The following VAT1L variants were observed in gnomAD, a reference collection of about 807,000 sequenced individuals.
VAT1L encodes the protein vesicle amine transport 1 like, also known as putative NADPH-dependent quinone oxidoreductase VAT1L.
A neutral mutation model predicts 44.1 loss-of-function variants in VAT1L; 34 were observed. That is an observed-to-expected ratio of 0.77 (90% confidence interval 0.59 to 1.03). VAT1L has a LOEUF of 1.03. Among genes scored for constraint, VAT1L ranks in the 50% least tolerant of loss-of-function variants. The pLI is 0.00. For synonymous variants in VAT1L, 253 were observed against 202.2 expected (o/e 1.25, Z -2.13); for missense variants, 615 against 538.8 (o/e 1.14, Z -1.40).
At chr16:77,975,220 T>G (rs1597129957) in intron 8 of VAT1L, among the ~76,000 whole-genome samples, 1 of 128,746 alleles carries the variant, frequency 7.8e-6, no homozygotes, top group African/African-American at 2.8e-5. Flanking sequence ...TTTTTTTTTT[T>G]TTTTTTTTAA....
At chr16:77,940,347 T>TG (rs1567515624) in intron 7 of VAT1L, among the ~76,000 whole-genome samples, 2 of 145,992 alleles carry the variant, frequency 1.4e-5, no homozygotes, top group South Asian at 2.2e-4. Flanking sequence ...TTGGTTTTTT[T>TG]TTTTTTTTTT....
chr16:77,873,096 T>G (rs2017048945), intron 4 of VAT1L, among the ~76,000 whole-genome samples: 1 of 152,230 alleles, frequency 6.6e-6, no homozygotes, highest in Admixed American at 6.5e-5. Flanking sequence ...GAGACTAAAT[T>G]AAATTGGCTG....
chr16:77,837,583 G>C (rs2016653282), intron 3 of VAT1L, among the ~76,000 whole-genome samples: 1 of 152,136 alleles, frequency 6.6e-6, no homozygotes. Flanking sequence ...AAAGAATCAA[G>C]GGAAAGAAGA....
intron 4 of VAT1L, among the ~76,000 whole-genome samples, chr16:77,865,706 C>A (rs1387399912): frequency 6.6e-6 from 1 of 152,152 alleles, no homozygotes; most frequent in East Asian, 1.9e-4. Context: ...AAAGGAAGAG[C>A]ATTTCTGACT....
At chr16:77,906,648 G>C (rs575177359) in intron 7 of VAT1L, among the ~76,000 whole-genome samples, 1 of 152,184 alleles carries the variant, frequency 6.6e-6, no homozygotes, top group Admixed American at 6.5e-5. Context: ...CTACGGAAAT[G>C]CAACTCAAAA....
chr16:77,856,229 CA>C (rs2016857684), intron 3 of VAT1L, among the ~76,000 whole-genome samples: 1 of 152,012 alleles, frequency 6.6e-6, no homozygotes, highest in South Asian at 2.1e-4. Flanking sequence ...TCCTTGTGGT[CA>C]AGGTAGAGTT....
intron 7 of VAT1L, among the ~76,000 whole-genome samples, chr16:77,964,581 A>G (rs954903858): frequency 2.0e-5 from 3 of 152,044 alleles, no homozygotes; most frequent in African/African-American, 4.8e-5. Context: ...TTTTTAGCTT[A>G]ATCACTTCTA....
At chr16:77,790,874 A>G (rs564524158) in intron 1 of VAT1L, among the ~76,000 whole-genome samples, 2 of 152,320 alleles carry the variant, frequency 1.3e-5, no homozygotes, top group South Asian at 4.1e-4. Flanking sequence ...GAAATAATAA[A>G]TGTCAAGATG....
At chr16:77,968,355 G>A (rs437557) in intron 7 of VAT1L, among the ~76,000 whole-genome samples, 35,059 of 152,118 alleles carry the variant, frequency 0.23, 4,526 homozygotes, top group South Asian at 0.31. Context: ...TAGCTATGCC[G>A]TAGACAGAGT....
At position 77,826,194 on chromosome 16, in the gene VAT1L, G is replaced by C. The variant is rs546863158; in HGVS notation, c.579+733G>C. Among the ~76,000 whole-genome samples, 510 of 130,084 alleles carry C rather than the reference G, an allele frequency of 3.9e-3. 5 individuals carry two copies. The highest frequency in any genetic ancestry group is 0.014 in the African/African-American group (484 of 34,812). The allele number at this position is 130,084 out of a possible 152,430, so 85.3% of individuals were successfully genotyped here. Reference sequence around the variant, plus strand: ...TGCACTCCAGCCTGGGCGACAGAGCGAGACTCCGTCTCAAAAAAAAAAAAA... The same window carrying C: ...TGCACTCCAGCCTGGGCGACAGAGCCAGACTCCGTCTCAAAAAAAAAAAAA... On this transcript the variant is annotated intron_variant, in intron 3 of 8. Transcript: ENST00000302536.
intron 3 of VAT1L, among the ~76,000 whole-genome samples, chr16:77,858,714 A>G (rs1168316530): frequency 6.6e-6 from 1 of 152,142 alleles, no homozygotes; most frequent in African/African-American, 2.4e-5. Context: ...TCAGTAAAAT[A>G]AGGTGACGCT....
At chr16:77,892,997 C>T (rs1001913699) in intron 7 of VAT1L, 2 of 652,574 alleles carry the variant, frequency 3.1e-6, no homozygotes, top group Admixed American at 2.2e-5. Context: ...CATTTGCTCG[C>T]AGTATCCTAT....
chr16:77,927,001 CAACAT>C (rs895987987), intron 7 of VAT1L, among the ~76,000 whole-genome samples: 11 of 152,142 alleles, frequency 7.2e-5, no homozygotes, highest in African/African-American at 2.4e-4. Context: ...ATGTAGAAGA[CAACAT>C]AACAGTCATA....
rs185588809 is a variant in VAT1L at position 77,823,217 on chromosome 16, C to A, written c.364-2029C>A. The stretch of plus-strand genomic sequence containing the variant: ...TCTGACATCCCTTGACCCCACCCAC[C>A]ATTCCCACACCCAAAAAATGAACTC... On this transcript the variant is annotated intron_variant, in intron 2 of 8. Transcript: ENST00000302536. Among the ~76,000 whole-genome samples, 27 of 152,058 alleles carry A rather than the reference C, an allele frequency of 1.8e-4. 1 individual carries two copies. The highest frequency in any genetic ancestry group is 1.7e-3 in the Admixed American group (26 of 15,258).
chr16:77,970,411 T>G (rs1426917775), intron 7 of VAT1L, among the ~76,000 whole-genome samples: 1 of 152,246 alleles, frequency 6.6e-6, no homozygotes, highest in African/African-American at 2.4e-5. Context: ...CTAGTTATTT[T>G]AGTATATGTG....
At chr16:77,815,797 A>G (rs1020350186) in intron 1 of VAT1L, among the ~76,000 whole-genome samples, 2 of 151,012 alleles carry the variant, frequency 1.3e-5, no homozygotes, top group African/African-American at 4.9e-5. Context: ...GCGAAACCCC[A>G]TGTCTACTAA....
intron 1 of VAT1L, among the ~76,000 whole-genome samples, chr16:77,807,427 C>T (rs1030824632): frequency 8.5e-5 from 13 of 152,126 alleles, no homozygotes; most frequent in African/African-American, 1.4e-4. Context: ...AGGCCCAGTC[C>T]CCATGTCTTT....
chr16:77,877,991 T>G (rs1183326072), intron 5 of VAT1L, among the ~76,000 whole-genome samples: 1 of 152,240 alleles, frequency 6.6e-6, no homozygotes, highest in African/African-American at 2.4e-5. Context: ...ATGGACGATG[T>G]AGTCATCCTT....
At chr16:77,840,331 G>A (rs1125270) in intron 3 of VAT1L, among the ~76,000 whole-genome samples, 81,240 of 151,966 alleles carry the variant, frequency 0.53, 22,163 homozygotes, top group African/African-American at 0.63. Context: ...TGGTTATTTC[G>A]AAATCTTTCA....
Sources: gnomAD v4.1 joint callset for allele counts (sites outside exome capture counted in the v4.1 genomes callset) on GRCh38, gnomAD v4.1.1 for gene constraint, MANE v1.5 for transcripts, NCBI Gene and HGNC (gene_info 2026-07-23, HGNC 2026-07-21) for gene names.